The following ZC3H12B variants were observed in gnomAD, a reference collection of about 807,000 sequenced individuals.
ZC3H12B encodes zinc finger CCCH-type containing 12B.
ZC3H12B carries 7 observed loss-of-function variants against 43.9 expected under a neutral mutation model. That is an observed-to-expected ratio of 0.16 (90% CI 0.09 to 0.30). The LOEUF (loss-of-function observed/expected upper bound fraction) is 0.30, where lower values mean the gene tolerates loss of function less well. Ranked by LOEUF, ZC3H12B falls within the 10% of genes least tolerant of loss-of-function variation. The pLI is 1.00. For synonymous variants in ZC3H12B, 222 were observed against 241.7 expected, an observed-to-expected ratio of 0.92 and a Z score of 0.76; for missense variants, 475 against 670.2, an observed-to-expected ratio of 0.71 and a Z score of 3.22.
At chrX:65,176,842 C>T in the ZC3H12B span, among the ~76,000 whole-genome samples, 1 of 111,491 alleles carries the variant, frequency 9.0e-6, no homozygotes, top group Non-Finnish European at 1.9e-5. Flanking sequence ...TCAAATTCTA[C>T]CAGAGGCACA....
the ZC3H12B span, among the ~76,000 whole-genome samples, chrX:65,360,773 CTG>C: frequency 8.9e-6 from 1 of 111,885 alleles, no homozygotes; most frequent in Non-Finnish European, 1.9e-5. Context: ...ATTTGTAAAA[CTG>C]GAAATAACTC....
At chrX:65,194,341 A>G in the ZC3H12B span, among the ~76,000 whole-genome samples, 5 of 109,042 alleles carry the variant, frequency 4.6e-5, no homozygotes, top group African/African-American at 1.7e-4. Context: ...ACATGTATAC[A>G]TATGTAACTA....
At chrX:65,439,846 C>G (rs1460521144) in intron 3 of ZC3H12B, among the ~76,000 whole-genome samples, 1 of 110,456 alleles carries the variant, frequency 9.1e-6, no homozygotes, top group African/African-American at 3.3e-5. Context: ...TGGGGTCCTC[C>G]TCAGTGTCAG....
At chrX:65,171,894 C>T in the ZC3H12B span, among the ~76,000 whole-genome samples, 2 of 111,159 alleles carry the variant, frequency 1.8e-5, no homozygotes, top group East Asian at 5.7e-4. Flanking sequence ...ATTGGAAATG[C>T]ACAGTATTAG....
the ZC3H12B span, among the ~76,000 whole-genome samples, chrX:65,124,867 T>G: frequency 9.0e-6 from 1 of 111,275 alleles, no homozygotes; most frequent in Non-Finnish European, 1.9e-5. Context: ...TTATTTGGAT[T>G]TTCTCTCCTC....
intron 3 of ZC3H12B, among the ~76,000 whole-genome samples, chrX:65,402,198 G>A (rs1288113841): frequency 3.6e-5 from 4 of 112,007 alleles, no homozygotes; most frequent in African/African-American, 6.5e-5. Context: ...ATGGCCTAAG[G>A]TGGTGGTTGC....
the ZC3H12B span, among the ~76,000 whole-genome samples, chrX:65,187,751 A>C: frequency 9.1e-6 from 1 of 109,566 alleles, no homozygotes; most frequent in Non-Finnish European, 1.9e-5. Context: ...CATAATAATC[A>C]CATTAGAATA....
the ZC3H12B span, among the ~76,000 whole-genome samples, chrX:65,340,920 G>C: frequency 8.9e-6 from 1 of 112,010 alleles, no homozygotes; most frequent in South Asian, 3.7e-4. Context: ...TTGAGATGCA[G>C]AATATGTTGA....
the ZC3H12B span, among the ~76,000 whole-genome samples, chrX:65,158,979 C>T: frequency 8.9e-6 from 1 of 111,853 alleles, no homozygotes; most frequent in East Asian, 2.8e-4. Context: ...CCAGTTTCAC[C>T]TTTCTACATA....
At chrX:65,490,170 G>A (rs1192771488) in intron 1 of ZC3H12B, among the ~76,000 whole-genome samples, 1 of 110,881 alleles carries the variant, frequency 9.0e-6, no homozygotes, top group Non-Finnish European at 1.9e-5. Context: ...CTTTGCAAAT[G>A]TGATTAAGGT....
chrX:65,036,587 T>C, the ZC3H12B span, among the ~76,000 whole-genome samples: 1 of 111,098 alleles, frequency 9.0e-6, no homozygotes, highest in African/African-American at 3.3e-5. Context: ...TCTTTGGGGG[T>C]ATAGTTTAAA....
At chrX:65,385,439 G>A (rs1192732841) in intron 2 of ZC3H12B, among the ~76,000 whole-genome samples, 1 of 111,186 alleles carries the variant, frequency 9.0e-6, no homozygotes, top group Non-Finnish European at 1.9e-5. Flanking sequence ...CTCATGATTT[G>A]GCTGTCTGTT....
At chrX:65,074,323 G>A in the ZC3H12B span, among the ~76,000 whole-genome samples, 6 of 110,230 alleles carry the variant, frequency 5.4e-5, no homozygotes, top group Non-Finnish European at 7.6e-5. Flanking sequence ...GACCTGCAAG[G>A]TTTCTGCTGA....
intron 3 of ZC3H12B, among the ~76,000 whole-genome samples, chrX:65,470,873 T>C (rs547599447): frequency 1.7e-3 from 191 of 112,507 alleles, no homozygotes; most frequent in African/African-American, 6.0e-3. Context: ...CTAGTTTTTT[T>C]CTACTGTGGT....
the ZC3H12B span, among the ~76,000 whole-genome samples, chrX:65,314,344 G>A: frequency 6.3e-5 from 7 of 110,974 alleles, no homozygotes; most frequent in African/African-American, 2.0e-4. Flanking sequence ...AATCACACCC[G>A]GACACATTAC....
intron 2 of ZC3H12B, among the ~76,000 whole-genome samples, chrX:65,390,617 C>T (rs140964410): frequency 0.021 from 2,312 of 110,372 alleles, 58 homozygotes; most frequent in African/African-American, 0.071. Flanking sequence ...ACAATAATGC[C>T]GGGAGACTTC....
chrX:65,321,105 C>T, the ZC3H12B span, among the ~76,000 whole-genome samples: 1 of 111,532 alleles, frequency 9.0e-6, no homozygotes, highest in Non-Finnish European at 1.9e-5. Context: ...AGTAAACAGA[C>T]AACCTACAGA....
intron 3 of ZC3H12B, among the ~76,000 whole-genome samples, chrX:65,471,560 C>T (rs754375477): frequency 1.5e-4 from 16 of 106,406 alleles, no homozygotes; most frequent in African/African-American, 5.1e-4. Context: ...AAGCAATTCT[C>T]CTGCCTCAGC....
the ZC3H12B span, among the ~76,000 whole-genome samples, chrX:65,299,691 C>T: frequency 8.9e-6 from 1 of 112,267 alleles, no homozygotes; most frequent in Non-Finnish European, 1.9e-5. Flanking sequence ...CTCAGACAGA[C>T]AGAGCAGTGT....
Sources: gnomAD v4.1 joint callset for allele counts (sites outside exome capture counted in the v4.1 genomes callset) on GRCh38, gnomAD v4.1.1 for gene constraint, MANE v1.5 for transcripts, NCBI Gene and HGNC (gene_info 2026-07-23, HGNC 2026-07-21) for gene names.